The following LONP2 variants were observed in gnomAD, a reference collection of about 807,000 sequenced individuals.
LONP2 encodes the protein lon peptidase 2, peroxisomal.
Under a neutral mutation model 85.6 loss-of-function variants are expected in LONP2, and 60 were observed. The ratio of observed to expected loss-of-function variants is 0.70; its 90% CI spans 0.57 to 0.87. The LOEUF is 0.87. LONP2 is among the 40% of genes least tolerant of loss of function. The pLI, the probability that LONP2 is intolerant of heterozygous loss-of-function variation, is 0.00. For missense variants in LONP2, 860 were observed against 1,063.5 expected, an observed-to-expected ratio of 0.81 and a Z score of 2.66; for synonymous variants, 395 against 389.7, an observed-to-expected ratio of 1.01 and a Z score of -0.16.
chr16:48,293,524 G>A (rs560152179), intron 8 of LONP2, among the ~76,000 whole-genome samples: 1 of 152,294 alleles, frequency 6.6e-6, no homozygotes, highest in East Asian at 1.9e-4. Flanking sequence ...CAAGGTGGGA[G>A]ACTACGTATA....
At chr16:48,323,413 G>GGGAGGC (rs1973306445) in intron 11 of LONP2, among the ~76,000 whole-genome samples, 1 of 152,104 alleles carries the variant, frequency 6.6e-6, no homozygotes, top group Non-Finnish European at 1.5e-5. Flanking sequence ...CCAGCACTTT[G>GGGAGGC]GGAGGCCAAG....
At chr16:48,333,507 A>G (rs1189661760) in intron 11 of LONP2, among the ~76,000 whole-genome samples, 1 of 152,168 alleles carries the variant, frequency 6.6e-6, no homozygotes, top group African/African-American at 2.4e-5. Context: ...GCCCGTTAGA[A>G]AACAGGACAC....
chr16:48,302,349 T>C (rs996514766), intron 10 of LONP2, among the ~76,000 whole-genome samples: 3 of 152,192 alleles, frequency 2.0e-5, no homozygotes, highest in Non-Finnish European at 2.9e-5. Flanking sequence ...CTCAGAACTT[T>C]TAAAATCTGC....
At chr16:48,244,891 C>T (rs1971267350) in intron 1 of LONP2, among the ~76,000 whole-genome samples, 1 of 152,176 alleles carries the variant, frequency 6.6e-6, no homozygotes, top group Non-Finnish European at 1.5e-5. Context: ...AATCCTCTTC[C>T]CCCTCTCCGC....
At chr16:48,347,450 G>A in intron 12 of LONP2, 57 bp from the exon 13 acceptor site, 1 of 1,549,518 alleles carries the variant, frequency 6.5e-7, no homozygotes, top group Non-Finnish European at 8.9e-7. Context: ...GGATTGTGTG[G>A]TATCAGTCAC....
At chr16:48,309,761 C>T (rs568554640) in intron 11 of LONP2, among the ~76,000 whole-genome samples, 8 of 151,838 alleles carry the variant, frequency 5.3e-5, no homozygotes, top group African/African-American at 1.7e-4. Context: ...TGTGGCCTGA[C>T]GTTTGGTCTG....
At position 48,352,212 on chromosome 16, in the gene LONP2, C is replaced by T. The variant is rs771542198; in HGVS notation, c.*410C>T. On this transcript the variant is annotated 3_prime_UTR_variant, in exon 15 of 15. Transcript: ENST00000285737. ...AGAAGCCTTCCAGGTAATTCTGCTGCACACTCAAGTTCAGGAACCACCGGT... is the reference window on the plus strand; with the variant it reads ...AGAAGCCTTCCAGGTAATTCTGCTGTACACTCAAGTTCAGGAACCACCGGT... 9 of 194,542 alleles carry T rather than the reference C, an allele frequency of 4.6e-5. No individual in the cohort carries two copies. The highest frequency in any genetic ancestry group is 8.6e-5 in the Non-Finnish European group (8 of 93,200). 12.1% of individuals were successfully genotyped at this position (194,542 alleles called of 1,614,324 possible).
intron 11 of LONP2, among the ~76,000 whole-genome samples, chr16:48,315,774 C>T (rs1434317716): frequency 1.3e-5 from 2 of 151,686 alleles, no homozygotes; most frequent in African/African-American, 4.8e-5. Context: ...ACTCTTCCTT[C>T]TGGGATTCTG....
chr16:48,246,592 A>G (rs1971400057), intron 1 of LONP2, among the ~76,000 whole-genome samples: 1 of 152,118 alleles, frequency 6.6e-6, no homozygotes, highest in Admixed American at 6.6e-5. Context: ...ATTTTTTGAG[A>G]CAGAGTCTCA....
intron 11 of LONP2, among the ~76,000 whole-genome samples, chr16:48,312,429 A>C (rs1174764116): frequency 1.1e-4 from 16 of 149,716 alleles, no homozygotes; most frequent in Admixed American, 1.0e-3. Context: ...GTTGCTTCTT[A>C]TTATTTTTTA....
chr16:48,310,554 G>A (rs1190653480), intron 11 of LONP2, among the ~76,000 whole-genome samples: 3 of 152,028 alleles, frequency 2.0e-5, no homozygotes, highest in Non-Finnish European at 1.5e-5. Context: ...ATTTTGTCAC[G>A]TTGGCCAGGC....
At chr16:48,298,526 C>A (rs186209706) in intron 9 of LONP2, among the ~76,000 whole-genome samples, 14 of 151,368 alleles carry the variant, frequency 9.2e-5, no homozygotes, top group African/African-American at 3.2e-4. Context: ...ATATGGACAT[C>A]TTAGGTTTTC....
At chr16:48,332,076 G>A (rs1291637626) in intron 11 of LONP2, among the ~76,000 whole-genome samples, 2 of 152,182 alleles carry the variant, frequency 1.3e-5, no homozygotes, top group African/African-American at 4.8e-5. Flanking sequence ...CCCTCACCCA[G>A]AAGTTCACAG....
intron 11 of LONP2, among the ~76,000 whole-genome samples, chr16:48,318,904 T>G (rs568524730): frequency 3.3e-5 from 5 of 152,294 alleles, no homozygotes; most frequent in Admixed American, 2.0e-4. Flanking sequence ...CTAGTTATTT[T>G]AAGTGCAGCT....
chr16:48,284,981 G>A (rs1451553554), intron 8 of LONP2, among the ~76,000 whole-genome samples: 1 of 152,130 alleles, frequency 6.6e-6, no homozygotes. Context: ...ATTTCTTTGT[G>A]TGGATACTGT....
chr16:48,289,222 G>C (rs529316524), intron 8 of LONP2, among the ~76,000 whole-genome samples: 1 of 152,116 alleles, frequency 6.6e-6, no homozygotes, highest in East Asian at 1.9e-4. Flanking sequence ...GGTTGAGGAC[G>C]CGCGCCCATG....
chr16:48,327,043 C>T (rs183705398), intron 11 of LONP2, among the ~76,000 whole-genome samples: 63 of 152,330 alleles, frequency 4.1e-4, no homozygotes, highest in Non-Finnish European at 6.9e-4. Context: ...TAGCCCCCTT[C>T]GGGGGTACAC....
chr16:48,342,175 C>G (rs1959833550), intron 12 of LONP2, among the ~76,000 whole-genome samples: 1 of 152,142 alleles, frequency 6.6e-6, no homozygotes, highest in Non-Finnish European at 1.5e-5. Context: ...ATATAAAAGC[C>G]TCAGTGTTGG....
rs1960175309 is a variant in LONP2, at chr16:48,352,292, A to T, written c.*490A>T. ...TAGAGTTTATTGGATCCTGAAACCA[A>T]TCAATTACTTAGAACTAGGCAAAGA... On this transcript the variant is annotated 3_prime_UTR_variant, in exon 15 of 15. Coordinates refer to ENST00000285737, the MANE Select transcript of LONP2 (RefSeq NM_031490.5). 6.4e-6 allele frequency: 1 copy of T among 157,154 alleles called. No homozygotes were observed. Among genetic ancestry groups the T allele is most frequent in the Non-Finnish European group, 1.4e-5 (1 of 70,900 alleles). 9.7% of individuals were successfully genotyped at this position (157,154 alleles called of 1,614,324 possible). A position where few individuals can be genotyped will look rare whatever the true frequency, so the allele number is the denominator to read the frequency against.
Sources: gnomAD v4.1 joint callset for allele counts (sites outside exome capture counted in the v4.1 genomes callset) on GRCh38, gnomAD v4.1.1 for gene constraint, MANE v1.5 for transcripts, NCBI Gene and HGNC (gene_info 2026-07-23, HGNC 2026-07-21) for gene names.